The following LRP1B variants were observed in gnomAD, a reference collection of about 807,000 sequenced individuals.
LRP1B encodes the protein LDL receptor related protein 1B.
In LRP1B, 217 loss-of-function variants were observed where a neutral mutation model predicts 556.6. The observed-to-expected ratio is 0.39, with a 90% CI of 0.35 to 0.44. The LOEUF (loss-of-function observed/expected upper bound fraction) is 0.44, where lower values mean the gene tolerates loss of function less well. Among genes scored for constraint, LRP1B ranks in the 20% least tolerant of loss-of-function variants. The probability of loss-of-function intolerance (pLI) is 1.00; values close to 1 mark genes in which losing one functional copy is unlikely to be tolerated. For missense variants in LRP1B, 5,053 were observed against 5,620.8 expected, an observed-to-expected ratio of 0.90 and a Z score of 3.23; for synonymous variants, 2,047 against 1,865.8, an observed-to-expected ratio of 1.10 and a Z score of -2.50.
chr2:141,450,069 T>A lies in LRP1B; in HGVS notation c.343+30327A>T, dbSNP rs1681358406. 2.6e-5 allele frequency among the ~76,000 whole-genome samples: 4 copies of A among 151,818 alleles called. No homozygotes were observed. In the South Asian group the frequency reaches 8.3e-4, roughly 31 times the overall value. Reference sequence around the variant, plus strand: ...CAAATGCATTTATTATTTTAAACGTTGAGGAGGGAAGAAAGGATAAAGGAA... The same window carrying A: ...CAAATGCATTTATTATTTTAAACGTAGAGGAGGGAAGAAAGGATAAAGGAA... On this transcript the variant is annotated intron_variant, in intron 3 of 90. Transcript: ENST00000389484.
intron 41 of LRP1B, among the ~76,000 whole-genome samples, chr2:140,640,153 C>G (rs1464745121): frequency 6.6e-6 from 1 of 151,476 alleles, no homozygotes; most frequent in African/African-American, 2.4e-5. Flanking sequence ...CGGGCGCCCG[C>G]CACCTCGCCT....
intron 11 of LRP1B, among the ~76,000 whole-genome samples, chr2:141,037,709 C>T (rs991926735): frequency 2.0e-5 from 3 of 151,870 alleles, no homozygotes; most frequent in African/African-American, 7.3e-5. Flanking sequence ...ACAAGGTTGT[C>T]CAGCTGGATA....
chr2:141,978,292 T>A (rs185683383), intron 1 of LRP1B, among the ~76,000 whole-genome samples: 19 of 152,162 alleles, frequency 1.2e-4, no homozygotes, highest in African/African-American at 4.6e-4. Context: ...GCTCATCAAT[T>A]TTCAGTAAAT....
At chr2:141,641,392 T>C (rs1689327615) in intron 2 of LRP1B, among the ~76,000 whole-genome samples, 1 of 152,176 alleles carries the variant, frequency 6.6e-6, no homozygotes, top group South Asian at 2.1e-4. Flanking sequence ...GGGGTGACTA[T>C]ACAATAATTA....
chr2:141,666,875 GTT>G (rs1316794218), intron 2 of LRP1B, among the ~76,000 whole-genome samples: 2 of 152,110 alleles, frequency 1.3e-5, no homozygotes, highest in African/African-American at 4.8e-5. Flanking sequence ...CCTTGGTACA[GTT>G]TTCTTCATTA....
intron 3 of LRP1B, among the ~76,000 whole-genome samples, chr2:141,410,776 C>T (rs1341599554): frequency 1.3e-5 from 2 of 151,882 alleles, no homozygotes; most frequent in Non-Finnish European, 2.9e-5. Flanking sequence ...ATAATATAAA[C>T]ATTTTGGCCT....
intron 3 of LRP1B, among the ~76,000 whole-genome samples, chr2:141,410,364 G>A (rs1177040871): frequency 6.6e-6 from 1 of 151,992 alleles, no homozygotes; most frequent in East Asian, 1.9e-4. Context: ...AAAATATGCT[G>A]ATTAAACTGT....
At chr2:140,337,486 C>G (rs1681159811) in intron 77 of LRP1B, among the ~76,000 whole-genome samples, 1 of 151,744 alleles carries the variant, frequency 6.6e-6, no homozygotes, top group African/African-American at 2.4e-5. Flanking sequence ...TTTAAGCTAA[C>G]CGTATTTTTA....
intron 7 of LRP1B, among the ~76,000 whole-genome samples, chr2:141,110,208 A>G (rs1922703): frequency 0.34 from 52,393 of 152,008 alleles, 9,522 homozygotes; most frequent in East Asian, 0.66. Context: ...TAGGCATTTC[A>G]TGTGGGTGGG....
intron 2 of LRP1B, among the ~76,000 whole-genome samples, chr2:141,725,901 A>G (rs1448229806): frequency 1.3e-5 from 2 of 151,856 alleles, no homozygotes; most frequent in Admixed American, 6.6e-5. Context: ...TGTAATAAGA[A>G]GGCAATAATT....
intron 1 of LRP1B, among the ~76,000 whole-genome samples, chr2:141,966,042 T>A (rs1030690632): frequency 6.6e-6 from 1 of 151,810 alleles, no homozygotes; most frequent in South Asian, 2.1e-4. Flanking sequence ...CCAACTCCCA[T>A]CTACTGAGTC....
intron 2 of LRP1B, among the ~76,000 whole-genome samples, chr2:141,728,776 T>C (rs1204012598): frequency 6.6e-6 from 1 of 152,180 alleles, no homozygotes; most frequent in Non-Finnish European, 1.5e-5. Context: ...CCCTTTATTC[T>C]GGAAAGACTC....
At chr2:140,240,780 CTG>C (rs558252853) in intron 87 of LRP1B, among the ~76,000 whole-genome samples, 172 of 150,882 alleles carry the variant, frequency 1.1e-3, no homozygotes, top group African/African-American at 3.8e-3. Context: ...ATTAAAAATT[CTG>C]AAAGTCTATG....
chr2:141,682,406 A>G (rs1691138131), intron 2 of LRP1B, among the ~76,000 whole-genome samples: 1 of 152,078 alleles, frequency 6.6e-6, no homozygotes, highest in Non-Finnish European at 1.5e-5. Flanking sequence ...TACCCCATTA[A>G]TATGTAATAC....
At chr2:141,387,311 A>C (rs1573887181) in intron 3 of LRP1B, among the ~76,000 whole-genome samples, 1 of 151,996 alleles carries the variant, frequency 6.6e-6, no homozygotes, top group Non-Finnish European at 1.5e-5. Flanking sequence ...TAGCAGAAGA[A>C]AGGAAGTTAT....
Position 140,826,324 on chromosome 2 carries a change from G to C in LRP1B, c.5210-12518C>G, listed in dbSNP as rs190480365. 2.3e-3 allele frequency among the ~76,000 whole-genome samples: 346 copies of C among 152,268 alleles called. 3 individuals carry two copies. Among genetic ancestry groups the C allele is most frequent in the Middle Eastern group, 6.8e-3 (2 of 294 alleles). On this transcript the variant is annotated intron_variant, in intron 31 of 90. Transcript: ENST00000389484. ...TTGCCTGTTCTCCCCATGTCTGTGTGGGTTTTCTCTGAGTGCTCTGGTTTC... is the reference window on the plus strand; with the variant it reads ...TTGCCTGTTCTCCCCATGTCTGTGTCGGTTTTCTCTGAGTGCTCTGGTTTC...
intron 43 of LRP1B, among the ~76,000 whole-genome samples, chr2:140,572,523 A>G (rs1310713973): frequency 1.3e-5 from 2 of 151,674 alleles, no homozygotes; most frequent in African/African-American, 2.4e-5. Context: ...GGACTCATAT[A>G]CTGTTGGTGG....
At chr2:141,584,122 G>A (rs568638659) in intron 2 of LRP1B, among the ~76,000 whole-genome samples, 1 of 151,984 alleles carries the variant, frequency 6.6e-6, no homozygotes, top group African/African-American at 2.4e-5. Flanking sequence ...GCACATACCT[G>A]TAGTCTCAGC....
chr2:140,554,845 A>AGT (rs1259537503), intron 43 of LRP1B, among the ~76,000 whole-genome samples: 21 of 125,652 alleles, frequency 1.7e-4, no homozygotes, highest in African/African-American at 6.6e-4. Flanking sequence ...CTTCTTTTAA[A>AGT]GTGTGTGTAT....
Sources: gnomAD v4.1 joint callset for allele counts (sites outside exome capture counted in the v4.1 genomes callset) on GRCh38, gnomAD v4.1.1 for gene constraint, MANE v1.5 for transcripts, NCBI Gene and HGNC (gene_info 2026-07-23, HGNC 2026-07-21) for gene names.